Variants in GRM5 observed in about 807,000 individuals in gnomAD.
GRM5 encodes glutamate metabotropic receptor 5, also known as metabotropic glutamate receptor 5.
In GRM5, 19 loss-of-function variants were observed where a neutral mutation model predicts 83.1. That is an observed-to-expected ratio of 0.23 (90% confidence interval 0.16 to 0.34). GRM5 has a LOEUF of 0.34. Ranked by LOEUF, GRM5 falls within the 10% of genes least tolerant of loss-of-function variation. The probability of loss-of-function intolerance (pLI) is 1.00; values close to 1 mark genes in which losing one functional copy is unlikely to be tolerated. For missense variants in GRM5, 1,160 were observed against 1,588.3 expected, an observed-to-expected ratio of 0.73 and a Z score of 4.58; for synonymous variants, 675 against 633.6, an observed-to-expected ratio of 1.07 and a Z score of -0.98.
At chr11:88,807,432 A>C (rs958647602) in intron 3 of GRM5, among the ~76,000 whole-genome samples, 2 of 152,026 alleles carry the variant, frequency 1.3e-5, no homozygotes, top group African/African-American at 4.8e-5. Context: ...CTACAATAGG[A>C]GTGTTATTTT....
At chr11:88,987,296 T>C (rs1284097612) in intron 2 of GRM5, among the ~76,000 whole-genome samples, 1 of 152,112 alleles carries the variant, frequency 6.6e-6, no homozygotes, top group South Asian at 2.1e-4. Flanking sequence ...ACTGCGCTTT[T>C]CCGACGGGCT....
At chr11:89,011,807 A>T (rs1021648851) in intron 2 of GRM5, among the ~76,000 whole-genome samples, 3 of 152,212 alleles carry the variant, frequency 2.0e-5, no homozygotes, top group African/African-American at 7.2e-5. Flanking sequence ...GATTGCTATT[A>T]TATAGATGCA....
chr11:89,062,457 G>A (rs1284706747), intron 1 of GRM5, among the ~76,000 whole-genome samples: 1 of 152,198 alleles, frequency 6.6e-6, no homozygotes, highest in African/African-American at 2.4e-5. Context: ...CTCTAGCTTT[G>A]TCCTGAGAAA....
intron 2 of GRM5, among the ~76,000 whole-genome samples, chr11:88,943,825 T>C (rs1938190587): frequency 2.0e-5 from 3 of 152,032 alleles, no homozygotes. Context: ...TAGAGGTCCA[T>C]ATATAGGGGT....
chr11:88,649,419 A>T (rs1455665321), intron 4 of GRM5, among the ~76,000 whole-genome samples: 1 of 143,556 alleles, frequency 7.0e-6, no homozygotes, highest in African/African-American at 2.5e-5. Flanking sequence ...TATGCATTAT[A>T]TATTATATAT....
In GRM5 at chr11:88,956,030, G is replaced by T. The variant is rs1329652354; in HGVS notation, c.661+91182C>A. 2.6e-5 allele frequency among the ~76,000 whole-genome samples: 4 copies of T among 152,222 alleles called. No homozygotes were observed. In the East Asian group the frequency reaches 7.7e-4, roughly 29 times the overall value. On this transcript the variant is annotated intron_variant, in intron 2 of 9. Coordinates refer to ENST00000305447, the MANE Select transcript of GRM5 (RefSeq NM_001143831.3). ...TGAAACAGCATTTGTATTTTGTCTT[G>T]CTAACGTCAGATCAGCTTCACAAAA...
chr11:88,800,857 A>G (rs1393205029), intron 3 of GRM5, among the ~76,000 whole-genome samples: 1 of 152,148 alleles, frequency 6.6e-6, no homozygotes, highest in Non-Finnish European at 1.5e-5. Context: ...AAATGTGAAA[A>G]TAACAGCAAT....
At chr11:88,748,008 G>C (rs918630323) in intron 3 of GRM5, among the ~76,000 whole-genome samples, 2 of 152,146 alleles carry the variant, frequency 1.3e-5, no homozygotes, top group African/African-American at 4.8e-5. Flanking sequence ...AGAAAAGTCA[G>C]AGGTGAAGTA....
chr11:88,689,177 CCTT>C (rs1311318156), intron 3 of GRM5, among the ~76,000 whole-genome samples: 1 of 152,102 alleles, frequency 6.6e-6, no homozygotes, highest in African/African-American at 2.4e-5. Context: ...AAACATGCCT[CCTT>C]ATTTCATTCA....
intron 6 of GRM5, among the ~76,000 whole-genome samples, chr11:88,593,470 G>A (rs1937699841): frequency 6.6e-6 from 1 of 151,970 alleles, no homozygotes; most frequent in Non-Finnish European, 1.5e-5. Context: ...GAGGTCAGCA[G>A]ATCGAGACCA....
At chr11:88,856,288 G>T (rs572958106) in intron 2 of GRM5, among the ~76,000 whole-genome samples, 1 of 151,874 alleles carries the variant, frequency 6.6e-6, no homozygotes, top group African/African-American at 2.4e-5. Flanking sequence ...ACTATTTAAT[G>T]TTGTTGTTTT....
intron 3 of GRM5, among the ~76,000 whole-genome samples, chr11:88,837,208 C>G (rs1944108978): frequency 6.6e-6 from 1 of 152,062 alleles, no homozygotes; most frequent in Admixed American, 6.6e-5. Flanking sequence ...TTATCTTATA[C>G]TGTAAGGACA....
chr11:88,745,155 C>A (rs1942106873), intron 3 of GRM5, among the ~76,000 whole-genome samples: 1 of 150,610 alleles, frequency 6.6e-6, no homozygotes, highest in Non-Finnish European at 1.5e-5. Context: ...TTTGCTTTTT[C>A]TCTACTACTC....
At chr11:88,673,998 G>A (rs1357124291) in intron 3 of GRM5, among the ~76,000 whole-genome samples, 1 of 151,784 alleles carries the variant, frequency 6.6e-6, no homozygotes, top group Admixed American at 6.6e-5. Flanking sequence ...CCTATATAGA[G>A]AGAAGCACTG....
intron 3 of GRM5, among the ~76,000 whole-genome samples, chr11:88,719,252 G>C (rs530900396): frequency 6.6e-6 from 1 of 151,940 alleles, no homozygotes; most frequent in South Asian, 2.1e-4. Flanking sequence ...AGTGTATGTT[G>C]TTCCCTTCCC....
At chr11:88,801,883 A>G (rs1334208270) in intron 3 of GRM5, among the ~76,000 whole-genome samples, 1 of 152,146 alleles carries the variant, frequency 6.6e-6, no homozygotes, top group Non-Finnish European at 1.5e-5. Flanking sequence ...TGGTGTCAGG[A>G]GCCAGAGAAT....
intron 8 of GRM5, among the ~76,000 whole-genome samples, chr11:88,554,537 T>G (rs994342988): frequency 2.6e-5 from 4 of 152,206 alleles, no homozygotes; most frequent in African/African-American, 9.6e-5. Context: ...TAATAAGATT[T>G]TTTTGTTTAA....
At chr11:88,518,741 A>C (rs1941595232) in intron 9 of GRM5, among the ~76,000 whole-genome samples, 1 of 151,836 alleles carries the variant, frequency 6.6e-6, no homozygotes. Flanking sequence ...ATTTTAATGT[A>C]GACTATTGCT....
chr11:88,652,726 T>C (rs2135305707), intron 4 of GRM5, among the ~76,000 whole-genome samples: 1 of 152,172 alleles, frequency 6.6e-6, no homozygotes, highest in South Asian at 2.1e-4. Context: ...TTGATGGAAG[T>C]AGCAACTCGA....
Sources: gnomAD v4.1 joint callset for allele counts (sites outside exome capture counted in the v4.1 genomes callset) on GRCh38, gnomAD v4.1.1 for gene constraint, MANE v1.5 for transcripts, NCBI Gene and HGNC (gene_info 2026-07-23, HGNC 2026-07-21) for gene names.